ANK3: variants seen among roughly 807,000 people sequenced by gnomAD.
ANK3 encodes ankyrin-3.
Under a neutral mutation model 370.9 loss-of-function variants are expected in ANK3, and 57 were observed. The ratio of observed to expected loss-of-function variants is 0.15; its 90% confidence interval spans 0.12 to 0.19. The LOEUF (loss-of-function observed/expected upper bound fraction) is 0.19, where lower values mean the gene tolerates loss of function less well. Ranked by LOEUF, ANK3 falls within the 10% of genes least tolerant of loss-of-function variation. The pLI is 1.00. For synonymous variants in ANK3, 1,929 were observed against 1,946.3 expected (o/e 0.99, Z 0.23); for missense variants, 4,439 against 5,302.1 (o/e 0.84, Z 5.06).
intron 2 of ANK3, among the ~76,000 whole-genome samples, chr10:60,492,706 CAAA>C (rs764367710): frequency 8.7e-5 from 5 of 57,510 alleles, no homozygotes; most frequent in Admixed American, 2.3e-4. Flanking sequence ...GACTCTGTCT[CAAA>C]AAAAAAAAAA....
intron 2 of ANK3, among the ~76,000 whole-genome samples, chr10:60,502,208 A>C (rs945222911): frequency 6.6e-6 from 1 of 152,234 alleles, no homozygotes; most frequent in Non-Finnish European, 1.5e-5. Context: ...GGGACAGTTC[A>C]TGTAGTTACA....
At chr10:60,151,367 C>T (rs10821689) in intron 23 of ANK3, among the ~76,000 whole-genome samples, 2,464 of 152,284 alleles carry the variant, frequency 0.016, 57 homozygotes, top group East Asian at 0.073. Context: ...TGAATGCTTG[C>T]TCTATTAGTT....
rs189719743 is a variant in ANK3, at chr10:60,434,141, G to C, written c.97-154502C>G. Among the ~76,000 whole-genome samples, 147 of 152,190 alleles carry C rather than the reference G, an allele frequency of 9.7e-4. 1 individual carries two copies. Among genetic ancestry groups the C allele is most frequent in the South Asian group, 3.9e-3 (19 of 4,818 alleles). On this transcript the variant is annotated intron_variant, in intron 2 of 43. Transcript: ENST00000373827. ...TGATTAAACATTCAAAACCTCTATG[G>C]AATATCAAAAATGTGTTTGTGCTCT...
chr10:60,177,593 C>T (rs367586942), intron 18 of ANK3, among the ~76,000 whole-genome samples: 85 of 106,268 alleles, frequency 8.0e-4, no homozygotes, highest in Middle Eastern at 0.017. Context: ...GTCTTCAAAT[C>T]TTTTTTTTTT....
At chr10:60,112,269 A>G (rs1235661936) in intron 26 of ANK3, among the ~76,000 whole-genome samples, 1 of 152,210 alleles carries the variant, frequency 6.6e-6, no homozygotes, top group Non-Finnish European at 1.5e-5. Flanking sequence ...TATGGCGGCA[A>G]TTCATCAAGC....
chr10:60,416,861 A>C (rs575111919), intron 2 of ANK3, among the ~76,000 whole-genome samples: 5 of 152,280 alleles, frequency 3.3e-5, no homozygotes, highest in African/African-American at 1.2e-4. Flanking sequence ...CATTTGTTAC[A>C]ATCCATGAAA....
chr10:60,684,581 T>C (rs2079243555), intron 1 of ANK3: 1 of 1,587,932 alleles, frequency 6.3e-7, no homozygotes, highest in Admixed American at 1.7e-5. Flanking sequence ...ATTGTTATGC[T>C]GGGTTTGGAC....
intron 41 of ANK3, among the ~76,000 whole-genome samples, chr10:60,058,068 G>A (rs922093812): frequency 6.6e-6 from 1 of 152,132 alleles, no homozygotes; most frequent in Non-Finnish European, 1.5e-5. Flanking sequence ...TTAGTCTAAT[G>A]TGTATGTAAA....
chr10:60,379,053 T>C (rs1182294471), intron 1 of ANK3, among the ~76,000 whole-genome samples: 1 of 152,058 alleles, frequency 6.6e-6, no homozygotes. Context: ...GGGCAAATTA[T>C]CTGAATAGAC....
At position 60,289,915 on chromosome 10, in the gene ANK3, G is replaced by A. The variant is rs189093761; in HGVS notation, c.115-10276C>T. Among the ~76,000 whole-genome samples the A allele has an allele frequency of 9.9e-4, 150 of 152,244 alleles. 2 individuals are homozygous for A. The South Asian group carries it at 0.011, about 11-fold the overall frequency. On this transcript the variant is annotated intron_variant, in intron 1 of 43. Transcript: ENST00000280772. ...AAAGGCCCATTCTTCTGTGTTTAAGGCTTTCGTGTGGGACACAGGGCTGTG... is the reference window on the plus strand; with the variant it reads ...AAAGGCCCATTCTTCTGTGTTTAAGACTTTCGTGTGGGACACAGGGCTGTG...
chr10:60,562,184 C>T (rs2077350831), intron 2 of ANK3, among the ~76,000 whole-genome samples: 1 of 152,146 alleles, frequency 6.6e-6, no homozygotes, highest in Non-Finnish European at 1.5e-5. Context: ...ACTTAAAAGA[C>T]TAGTGAGTTA....
In ANK3 at chr10:60,443,367, C is replaced by T. The variant is rs141101100; in HGVS notation, c.97-163728G>A. Among the ~76,000 whole-genome samples the T allele has an allele frequency of 3.2e-3, 482 of 152,010 alleles. 1 individual carries two copies. The highest frequency in any genetic ancestry group is 5.8e-3 in the Admixed American group (89 of 15,244). The stretch of plus-strand genomic sequence containing the variant: ...TGGGCTGAGGATGGATCACTGCTGT[C>T]TCATAATCTAGATGAAAAGCTTCAC... On this transcript the variant is annotated intron_variant, in intron 2 of 43. Coordinates refer to the ANK3 transcript ENST00000373827.
At chr10:60,077,318 A>T (rs2084062546) in intron 36 of ANK3, among the ~76,000 whole-genome samples, 1 of 152,220 alleles carries the variant, frequency 6.6e-6, no homozygotes, top group Non-Finnish European at 1.5e-5. Context: ...ATATACACAC[A>T]CAAAGAAAAA....
At chr10:60,246,083 C>T (rs2097547284) in intron 7 of ANK3, among the ~76,000 whole-genome samples, 1 of 151,732 alleles carries the variant, frequency 6.6e-6, no homozygotes, top group Admixed American at 6.6e-5. Flanking sequence ...TGGAGAAACC[C>T]TATCTCTACT....
At chr10:60,665,476 G>C (rs2078984846) in intron 1 of ANK3, among the ~76,000 whole-genome samples, 1 of 152,124 alleles carries the variant, frequency 6.6e-6, no homozygotes, top group Non-Finnish European at 1.5e-5. Flanking sequence ...TGAAATACAG[G>C]CTGAACAAAT....
At chr10:60,463,990 A>G (rs2064952893) in intron 2 of ANK3, among the ~76,000 whole-genome samples, 1 of 151,192 alleles carries the variant, frequency 6.6e-6, no homozygotes, top group Non-Finnish European at 1.5e-5. Flanking sequence ...TAAAACTATG[A>G]AATGGTCCAG....
intron 2 of ANK3, among the ~76,000 whole-genome samples, chr10:60,555,650 T>G (rs2077189997): frequency 6.6e-6 from 1 of 152,158 alleles, no homozygotes; most frequent in Non-Finnish European, 1.5e-5. Context: ...TCTTCAATAT[T>G]GTAGCATATG....
At chr10:60,603,928 A>G (rs1445093827) in intron 2 of ANK3, among the ~76,000 whole-genome samples, 1 of 152,188 alleles carries the variant, frequency 6.6e-6, no homozygotes, top group Non-Finnish European at 1.5e-5. Context: ...TTGAAAATAG[A>G]TAATTTAAAT....
chr10:60,086,872 G>C lies in ANK3; in HGVS notation c.3553C>G (p.Pro1185Ala). 6.2e-7 allele frequency: 1 copy of C among 1,610,160 alleles called. No homozygotes were observed. The highest frequency in any genetic ancestry group is 8.5e-7 in the Non-Finnish European group (1 of 1,178,788). ...AGGATCTTTTTCACAATTTCATCTG[G>C]AACAGGCTGGGCCTAGAGACAGAGA... The part of the protein sequence containing the change: ...IRVGLQAQPV[P>A]DEIVKKILGN... The change falls in exon 30 of 44, where the codon CCA becomes GCA. Residue 1185 changes from proline to alanine, a missense_variant. Physicochemically the swap from Pro to Ala is conservative, Grantham distance 27 (BLOSUM62 -1). Around this residue, in one of 13 missense-constraint regions of ANK3, gnomAD observed 702 missense variants for 941.5 expected, o/e 0.75. Coordinates refer to ENST00000280772, the MANE Select transcript of ANK3 (RefSeq NM_020987.5).
Sources: allele counts gnomAD v4.1 joint callset (sites outside exome capture counted in the v4.1 genomes callset), GRCh38; gene constraint gnomAD v4.1.1; regional missense constraint gnomAD v4.1.1; transcripts MANE v1.5; gene names NCBI Gene and HGNC (gene_info 2026-07-23, HGNC 2026-07-21).